ABCD4: variants seen among roughly 807,000 people sequenced by gnomAD.
ABCD4 encodes the protein lysosomal cobalamin transporter ABCD4.
ABCD4 carries 53 observed loss-of-function variants against 86.3 expected under a neutral mutation model. The ratio of observed to expected loss-of-function variants is 0.61; its 90% CI spans 0.49 to 0.77. ABCD4 has a LOEUF of 0.77. Ranked by LOEUF, ABCD4 falls within the 30% of genes least tolerant of loss-of-function variation. ABCD4 has a pLI of 0.00. For missense variants in ABCD4, 757 were observed against 764.5 expected, an observed-to-expected ratio of 0.99 and a Z score of 0.12; for synonymous variants, 328 against 313.6, an observed-to-expected ratio of 1.05 and a Z score of -0.49.
In ABCD4 at chr14:74,295,208, C is replaced by T. The variant is rs1182815068; in HGVS notation, c.669-10G>A. 6.2e-7 allele frequency: 1 copy of T among 1,609,864 alleles called. No homozygotes were observed. Among genetic ancestry groups the T allele is most frequent in the African/African-American group, 1.3e-5 (1 of 74,916 alleles). ...CTGCATGTGCTTGAACCTGGGCGGACCAAAGGGAAATGTGTGCTGACAACA... is the reference window on the plus strand; with the variant it reads ...CTGCATGTGCTTGAACCTGGGCGGATCAAAGGGAAATGTGTGCTGACAACA... On this transcript the variant is annotated splice_polypyrimidine_tract_variant and intron_variant, in intron 6 of 18. Coordinates refer to ENST00000356924, the MANE Select transcript of ABCD4 (RefSeq NM_005050.4).
Position 74,294,949 on chromosome 14 carries a change from C to T in ABCD4, c.719+199G>A. 3 of 621,434 alleles carry T rather than the reference C, an allele frequency of 4.8e-6. No individual in the cohort carries two copies. The Middle Eastern group carries it at 1.2e-3, about 239-fold the overall frequency. The allele number at this position is 621,434 out of a possible 1,614,324, so 38.5% of individuals were successfully genotyped here. A position where few individuals can be genotyped will look rare whatever the true frequency, so the allele number is the denominator to read the frequency against. The stretch of plus-strand genomic sequence containing the variant: ...GACTAAAGCTGGCCACAGTAAGGAA[C>T]CACCAGCTTCAGAAGCAAACCCCTG... On this transcript the variant is annotated intron_variant, in intron 7 of 18. Transcript: ENST00000356924.
At chr14:74,301,638 C>G (rs1668475752) in intron 1 of ABCD4, among the ~76,000 whole-genome samples, 1 of 152,140 alleles carries the variant, frequency 6.6e-6, no homozygotes, top group Non-Finnish European at 1.5e-5. Flanking sequence ...ATGCACTGCC[C>G]GTCGGGAAGT....
Position 74,292,531 on chromosome 14 carries a change from G to C in ABCD4, c.1028+20C>G. 6.2e-7 allele frequency: 1 copy of C among 1,612,666 alleles called. No individual in the cohort carries two copies. Among genetic ancestry groups the C allele is most frequent in the South Asian group, 1.1e-5 (1 of 90,966 alleles). The stretch of plus-strand genomic sequence containing the variant: ...GCACACACTTTGCTCAGGAGCCAGA[G>C]GGGTGGGACACGGCCTCACCTGTGC... On this transcript the variant is annotated intron_variant, in intron 10 of 18. Transcript: ENST00000356924.
chr14:74,287,332 T>C (rs1345263428), intron 17 of ABCD4, among the ~76,000 whole-genome samples: 1 of 152,084 alleles, frequency 6.6e-6, no homozygotes, highest in East Asian at 1.9e-4. Flanking sequence ...GAGGATGGCC[T>C]GAGTCCAGGA....
rs4148078 is a variant in ABCD4, at chr14:74,292,598, G to A, written c.981C>T (p.Leu327=). ...CIYLISCFTQ[L]IDLSTTLSDV... ...CTGAGAGCGTCGTGGACAGGTCGAT[G>A]AGCTGGGTGAAGCAGCTGATGAGGT... The change falls in exon 10 of 19, where the codon CTC becomes CTT. Residue 327 remains leucine (L), a synonymous_variant. Transcript: ENST00000356924. 6.2e-7 allele frequency: 1 copy of A among 1,613,510 alleles called. No individual in the cohort carries two copies. Among genetic ancestry groups the A allele is most frequent in the Non-Finnish European group, 8.5e-7 (1 of 1,179,796 alleles).
chr14:74,291,476 G>T (rs902625502), intron 11 of ABCD4, among the ~76,000 whole-genome samples: 2 of 152,206 alleles, frequency 1.3e-5, no homozygotes, highest in African/African-American at 4.8e-5. Context: ...ATCACAGTGT[G>T]ACCAGAGTAC....
At position 74,288,755 on chromosome 14, in the gene ABCD4, A is replaced by G. The variant is rs572155878; in HGVS notation, c.1467T>C (p.Asp489=). The G allele has an allele frequency of 2.5e-6, 4 of 1,613,624 alleles. No individual in the cohort carries two copies. The highest frequency in any genetic ancestry group is 2.7e-5 in the African/African-American group (2 of 74,926). Residue 489 remains aspartate, a synonymous_variant, in exon 15 of 19, where the codon GAT becomes GAC. Transcript: ENST00000356924. ...CCAAGAACCTCAAGATCCTCTCATC[A>G]TCGGCAGAACCTGCACAACAAAGAA... is the stretch of plus-strand genomic sequence containing the variant. ...KEVYPDSGSA[D]DERILRFLEL... is the part of the protein sequence containing the mutation.
chr14:74,301,794 AG>A (rs2140144310), intron 1 of ABCD4, among the ~76,000 whole-genome samples: 1 of 152,208 alleles, frequency 6.6e-6, no homozygotes, highest in East Asian at 1.9e-4. Flanking sequence ...CCAGCTACTC[AG>A]GAGGCTGAGG....
chr14:74,297,853 C>T lies in ABCD4; in HGVS notation c.425+77G>A, dbSNP rs534195030. 2.6e-6 allele frequency: 4 copies of T among 1,514,202 alleles called. No homozygotes were observed. In the African/African-American group the frequency reaches 5.6e-5, roughly 21 times the overall value. The allele number at this position is 1,514,202 out of a possible 1,614,324, so 93.8% of individuals were successfully genotyped here. ...CTGCAGATGATCTCCTTGGTGTCTG[C>T]CACCAGCAGTCTCCAGGGCTAGGCC... On this transcript the variant is annotated intron_variant, in intron 4 of 18. Coordinates refer to ENST00000356924, the MANE Select transcript of ABCD4 (RefSeq NM_005050.4).
chr14:74,298,263 A>G (rs2083399121), intron 3 of ABCD4, among the ~76,000 whole-genome samples, 194 bp from the exon 4 acceptor site: 1 of 151,710 alleles, frequency 6.6e-6, no homozygotes, highest in South Asian at 2.1e-4. Context: ...TCACGTGTTC[A>G]TTCCTTCACC....
At position 74,297,992 on chromosome 14, in the gene ABCD4, G is replaced by A. The variant is rs1390757094; in HGVS notation, c.363C>T (p.Arg121=). 1 of 1,614,042 alleles carries A rather than the reference G, an allele frequency of 6.2e-7. No individual in the cohort carries two copies. The highest frequency in any genetic ancestry group is 1.7e-5 in the Admixed American group (1 of 59,972). Residue 121 remains arginine, a synonymous_variant, in exon 4 of 19, where the codon CGC becomes CGT. Coordinates refer to ENST00000356924, the MANE Select transcript of ABCD4 (RefSeq NM_005050.4). ...WRKDLTEHLH[R]LYFRGRAYYT... ...AGTACGCACGGCCCCGGAAGTAGAGGCGGTGAAGGTGCTCAGTGAGGTCCT... is the reference window on the plus strand; with the variant it reads ...AGTACGCACGGCCCCGGAAGTAGAGACGGTGAAGGTGCTCAGTGAGGTCCT...
intron 6 of ABCD4, 151 bp from the exon 7 acceptor site, chr14:74,295,349 G>C (rs2082587138): frequency 2.3e-6 from 2 of 856,478 alleles, no homozygotes; most frequent in East Asian, 5.3e-5. Flanking sequence ...GGACTGTTAT[G>C]GGGTAGAAAA....
chr14:74,291,109 G>A (rs1347239030), intron 11 of ABCD4, among the ~76,000 whole-genome samples: 1 of 152,226 alleles, frequency 6.6e-6, no homozygotes, highest in Non-Finnish European at 1.5e-5. Context: ...TGAGGACACA[G>A]CAACAAGGTG....
At chr14:74,289,170 G>C (rs1326695099) in intron 14 of ABCD4, 28 of 1,264,086 alleles carry the variant, frequency 2.2e-5, no homozygotes, top group Middle Eastern at 6.1e-4. Context: ...GATGATGCAG[G>C]GGTGGGGGCC....
chr14:74,295,070 G>A (rs2082491618), intron 7 of ABCD4, 78 bp downstream of exon 7: 3 of 1,549,084 alleles, frequency 1.9e-6, no homozygotes, highest in South Asian at 1.1e-5. Context: ...GGTGGTGGTG[G>A]GAGGGTTGAG....
chr14:74,300,080 A>G, intron 2 of ABCD4, 70 bp downstream of exon 2: 1 of 846,296 alleles, frequency 1.2e-6, no homozygotes, highest in Non-Finnish European at 1.8e-6. Context: ...AAAAAAAAAA[A>G]AAAAAAAGAT....
intron 4 of ABCD4, 54 bp from the exon 5 acceptor site, chr14:74,296,503 A>G: frequency 6.5e-7 from 1 of 1,533,202 alleles, no homozygotes; most frequent in South Asian, 1.1e-5. Flanking sequence ...CCAAAGGTAG[A>G]GAGAACAAGA....
intron 2 of ABCD4, 138 bp from the exon 3 acceptor site, chr14:74,299,813 G>C: frequency 1.2e-6 from 1 of 808,422 alleles, no homozygotes; most frequent in Non-Finnish European, 1.9e-6. Flanking sequence ...TGTAATCCCA[G>C]CACTTTGGGA....
In ABCD4 at chr14:74,297,971, C is replaced by T. The variant is rs376619713; in HGVS notation, c.384G>A (p.Ala128=). Residue 128 remains alanine (A), a synonymous_variant, in exon 4 of 19, where the codon GCG becomes GCA. Coordinates refer to ENST00000356924, the MANE Select transcript of ABCD4 (RefSeq NM_005050.4). ...HLHRLYFRGR[A]YYTLNVLRDD... Reference sequence around the variant, plus strand: ...CCCGCAGCACGTTGAGGGTGTAGTACGCACGGCCCCGGAAGTAGAGGCGGT... The same window carrying T: ...CCCGCAGCACGTTGAGGGTGTAGTATGCACGGCCCCGGAAGTAGAGGCGGT... 32 of 1,613,894 alleles carry T rather than the reference C, an allele frequency of 2.0e-5. No homozygotes were observed. The African/African-American group carries it at 2.1e-4, about 11-fold the overall frequency.
Sources: gnomAD v4.1 joint callset for allele counts (sites outside exome capture counted in the v4.1 genomes callset) on GRCh38, gnomAD v4.1.1 for gene constraint, MANE v1.5 for transcripts, NCBI Gene and HGNC (gene_info 2026-07-23, HGNC 2026-07-21) for gene names.